IQGAP1: variants seen among roughly 807,000 people sequenced by gnomAD.
IQGAP1 encodes the protein ras GTPase-activating-like protein IQGAP1.
Under a neutral mutation model 215.6 loss-of-function variants are expected in IQGAP1, and 66 were observed. That is an observed-to-expected ratio of 0.31 (90% CI 0.25 to 0.38). The LOEUF (loss-of-function observed/expected upper bound fraction) is 0.38. Among genes scored for constraint, IQGAP1 ranks in the 10% least tolerant of loss-of-function variants. The pLI is 1.00. For synonymous variants in IQGAP1, 772 were observed against 728.7 expected (o/e 1.06, Z -0.96); for missense variants, 1,712 against 1,997.1 (o/e 0.86, Z 2.72).
At chr15:90,444,243 C>CTCTG (rs1555437776) in intron 9 of IQGAP1, among the ~76,000 whole-genome samples, 45 of 126,950 alleles carry the variant, frequency 3.5e-4, no homozygotes, top group African/African-American at 9.8e-4. Context: ...TCCTTCAAAA[C>CTCTG]TGTGTGTGTG....
At chr15:90,459,214 A>C (rs561926526) in intron 15 of IQGAP1, among the ~76,000 whole-genome samples, 19 of 152,208 alleles carry the variant, frequency 1.2e-4, no homozygotes, top group Middle Eastern at 3.2e-3. Flanking sequence ...ACAGATGTTA[A>C]TTATGCTTTA....
chr15:90,487,040 G>T lies in IQGAP1; in HGVS notation c.4111G>T (p.Val1371Leu). Residue 1371 changes from valine to leucine, a missense_variant, in exon 32 of 38, where the codon GTG becomes TTG. Val to Leu is a conservative substitution (Grantham distance 32). Coordinates refer to ENST00000268182, the MANE Select transcript of IQGAP1 (RefSeq NM_003870.4). ...VSLTLTNKFD[V>L]PGDENAEMDA... ...TCTCACCCTGACCAACAAGTTCGAC[G>T]TGCCTGGAGATGAGAATGCAGAAAT... The T allele has an allele frequency of 1.2e-6, 2 of 1,614,110 alleles. No individual in the cohort carries two copies. Among genetic ancestry groups the T allele is most frequent in the South Asian group, 1.1e-5 (1 of 91,082 alleles).
At chr15:90,447,494 C>T (rs1047581551) in intron 9 of IQGAP1, among the ~76,000 whole-genome samples, 1 of 152,016 alleles carries the variant, frequency 6.6e-6, no homozygotes, top group African/African-American at 2.4e-5. Flanking sequence ...TTGATAAGTA[C>T]TATTATGCCC....
chr15:90,408,845 G>A (rs187832538), intron 2 of IQGAP1, among the ~76,000 whole-genome samples: 2 of 152,232 alleles, frequency 1.3e-5, no homozygotes, highest in African/African-American at 4.8e-5. Flanking sequence ...AGGTTGGAGT[G>A]CAGGGGTGCA....
chr15:90,391,047 G>A, intron 2 of IQGAP1, 174 bp downstream of exon 2: 1 of 523,294 alleles, frequency 1.9e-6, no homozygotes. Context: ...ACCAGATTGG[G>A]CAACATAGTG....
chr15:90,466,501 T>C, intron 17 of IQGAP1, 65 bp downstream of exon 17: 2 of 1,468,060 alleles, frequency 1.4e-6, no homozygotes, highest in Non-Finnish European at 1.9e-6. Context: ...GGGACAGATG[T>C]AGAGGAAAGG....
At chr15:90,463,149 C>T (rs996445436) in intron 15 of IQGAP1, among the ~76,000 whole-genome samples, 3 of 152,080 alleles carry the variant, frequency 2.0e-5, no homozygotes, top group Middle Eastern at 3.2e-3. Context: ...CCTGAGACAC[C>T]CATCCATTCA....
intron 2 of IQGAP1, among the ~76,000 whole-genome samples, chr15:90,416,578 C>CTT (rs59801805): frequency 2.9e-5 from 4 of 139,300 alleles, no homozygotes; most frequent in Admixed American, 1.4e-4. Flanking sequence ...TGTTTCCTGA[C>CTT]TTTTTTTTTT....
At chr15:90,416,966 G>A (rs909071323) in intron 2 of IQGAP1, among the ~76,000 whole-genome samples, 1 of 152,128 alleles carries the variant, frequency 6.6e-6, no homozygotes. Flanking sequence ...GATGGCCAGT[G>A]ATGACCATTT....
chr15:90,400,271 G>A (rs763980998), intron 2 of IQGAP1, among the ~76,000 whole-genome samples: 3 of 152,082 alleles, frequency 2.0e-5, no homozygotes, highest in South Asian at 2.1e-4. Flanking sequence ...TTAAATAAGC[G>A]TTCTAGGTAT....
In IQGAP1 at chr15:90,501,179, T is replaced by C. The variant is rs1203021256; in HGVS notation, c.*1071T>C. 6.6e-6 allele frequency: 1 copy of C among 152,448 alleles called. No homozygotes were observed. The highest frequency in any genetic ancestry group is 1.5e-5 in the Non-Finnish European group (1 of 68,024). 9.4% of individuals were successfully genotyped at this position (152,448 alleles called of 1,614,324 possible). A position where few individuals can be genotyped will look rare whatever the true frequency, so the allele number is the denominator to read the frequency against. On this transcript the variant is annotated 3_prime_UTR_variant, in exon 38 of 38. Coordinates refer to ENST00000268182, the MANE Select transcript of IQGAP1 (RefSeq NM_003870.4). ...TTCAGGGAGATAATTCTGCCTTTAA[T>C]TGTCTAAAACAAAAACAAAACCAGC... is the stretch of plus-strand genomic sequence containing the variant.
At chr15:90,454,350 A>G in intron 13 of IQGAP1, 78 bp from the exon 14 acceptor site, 3 of 1,557,936 alleles carry the variant, frequency 1.9e-6, no homozygotes, top group East Asian at 2.3e-5. Context: ...AATGGTTGGG[A>G]TACCCTAGCA....
intron 36 of IQGAP1, among the ~76,000 whole-genome samples, chr15:90,495,050 C>G: frequency 6.6e-6 from 1 of 152,110 alleles, no homozygotes. Context: ...TGTCTCAGGT[C>G]ATGTTCACTT....
rs185298104 is a variant in IQGAP1 at position 90,408,901 on chromosome 15, C to T, written c.156-17209C>T. 5.3e-5 allele frequency among the ~76,000 whole-genome samples: 8 copies of T among 152,302 alleles called. No individual in the cohort carries two copies. In the East Asian group the frequency reaches 1.5e-3, roughly 29 times the overall value. On this transcript the variant is annotated intron_variant, in intron 2 of 37. Coordinates refer to ENST00000268182, the MANE Select transcript of IQGAP1 (RefSeq NM_003870.4). ...GGAACTCTTGGGCTCCAGCCATCCC[C>T]AGACCTCAGCCTTGTGAGTAGCTGG... is the stretch of plus-strand genomic sequence containing the variant.
intron 2 of IQGAP1, among the ~76,000 whole-genome samples, chr15:90,399,681 A>G (rs1048630667): frequency 6.6e-6 from 1 of 152,076 alleles, no homozygotes; most frequent in Non-Finnish European, 1.5e-5. Flanking sequence ...TACTTTTTAT[A>G]TATTTGTAGA....
chr15:90,464,232 A>C (rs1216121709), intron 15 of IQGAP1, among the ~76,000 whole-genome samples: 4 of 152,170 alleles, frequency 2.6e-5, no homozygotes, highest in Admixed American at 2.6e-4. Flanking sequence ...TGACTCTCAC[A>C]ACCTGGCCAC....
chr15:90,491,491 T>C lies in IQGAP1; in HGVS notation c.4407T>C (p.Leu1469=), dbSNP rs1457196774. Residue 1469 remains leucine, a synonymous_variant, in exon 34 of 38, where the codon CTT becomes CTC. Transcript: ENST00000268182. ...CAGGTTTAAAGAAGCTAACAGAGCT[T>C]GGAACCGTGGACCCAAAGAACAAAT... ...IQTGLKKLTE[L]GTVDPKNKYQ... 3.7e-6 allele frequency: 6 copies of C among 1,614,170 alleles called. No homozygotes were observed. Among genetic ancestry groups the C allele is most frequent in the Non-Finnish European group, 4.2e-6 (5 of 1,180,014 alleles).
chr15:90,482,358 C>A, intron 28 of IQGAP1, 77 bp downstream of exon 28: 1 of 1,352,162 alleles, frequency 7.4e-7, no homozygotes, highest in Non-Finnish European at 1.1e-6. Context: ...TAGATCATTA[C>A]TAACTGCCTA....
In IQGAP1 at chr15:90,388,854, G is replaced by T. The variant is rs145713499; in HGVS notation, c.55+458G>T. ...CAGGGTCCAGACCTGTCCGGTCCCA[G>T]GCTAGCTACGAGGTGCCGTCCTGGG... is the stretch of plus-strand genomic sequence containing the variant. On this transcript the variant is annotated intron_variant, in intron 1 of 37. Coordinates refer to ENST00000268182, the MANE Select transcript of IQGAP1 (RefSeq NM_003870.4). Among the ~76,000 whole-genome samples, 886 of 152,316 alleles carry T rather than the reference G, an allele frequency of 5.8e-3. 3 individuals carry two copies. Among genetic ancestry groups the T allele is most frequent in the Middle Eastern group, 0.014 (4 of 294 alleles).
Sources: gnomAD v4.1 joint callset for allele counts (sites outside exome capture counted in the v4.1 genomes callset) on GRCh38, gnomAD v4.1.1 for gene constraint, MANE v1.5 for transcripts, NCBI Gene and HGNC (gene_info 2026-07-23, HGNC 2026-07-21) for gene names.